The following KLHL41 variants were observed in gnomAD, a reference collection of about 807,000 sequenced individuals.
The protein encoded by KLHL41 is kelch like family member 41, also known as kelch-like protein 41.
Under a neutral mutation model 49.2 loss-of-function variants are expected in KLHL41, and 31 were observed. The ratio of observed to expected loss-of-function variants is 0.63; its 90% confidence interval spans 0.47 to 0.85. The LOEUF is 0.85. KLHL41 is among the 40% of genes least tolerant of loss of function. The pLI, the probability that KLHL41 is intolerant of heterozygous loss-of-function variation, is 0.00. For synonymous variants in KLHL41, 218 were observed against 258.5 expected (o/e 0.84, Z 1.50); for missense variants, 663 against 726.7 (o/e 0.91, Z 1.01).
In KLHL41 at chr2:169,514,826, A is replaced by G. The variant is rs553641817; in HGVS notation, c.1269-28A>G. ...TCAGAACCTGGAATTTACTGAAGGT[A>G]TATAAATTCTGTCTCGTTTAATTTT... On this transcript the variant is annotated intron_variant, in intron 2 of 5. Coordinates refer to ENST00000284669, the MANE Select transcript of KLHL41 (RefSeq NM_006063.3). 13 of 1,591,980 alleles carry G rather than the reference A, an allele frequency of 8.2e-6. No individual in the cohort carries two copies. In the East Asian group the frequency reaches 1.6e-4, roughly 19 times the overall value.
rs1684085913 is a variant in KLHL41 at position 169,514,646 on chromosome 2, G to T, written c.1183G>T (p.Glu395Ter). 1 of 1,613,846 alleles carries T rather than the reference G, an allele frequency of 6.2e-7. No individual in the cohort carries two copies. The highest frequency in any genetic ancestry group is 1.3e-5 in the African/African-American group (1 of 74,894). ...PSARCLFGLG[E>*]VDDKIYVVAG... ...AGCCAGGTGTCTCTTCGGTCTGGGAGAGGTGGATGATAAAATCTATGTAGT... is the reference window on the plus strand; with the variant it reads ...AGCCAGGTGTCTCTTCGGTCTGGGATAGGTGGATGATAAAATCTATGTAGT... The change falls in exon 2 of 6, where the codon GAG becomes TAG. Residue 395 changes from glutamate to a stop codon, truncating the protein, a stop_gained. Transcript: ENST00000284669. LOFTEE classifies it high-confidence loss of function.
rs1363972088 is a variant in KLHL41 at position 169,510,266 on chromosome 2, T to C, written c.488T>C (p.Val163Ala). Residue 163 changes from valine (V) to alanine (A), a missense_variant, in exon 1 of 6, where the codon GTA (valine) becomes GCA (alanine). Coordinates refer to ENST00000284669, the MANE Select transcript of KLHL41 (RefSeq NM_006063.3). The surrounding 1 kb of genome is among the most constrained non-coding windows in gnomAD (Gnocchi z 4.2). ...SAREFVSDRF[V>A]QICKEEDFMQ... Reference sequence around the variant, plus strand: ...CGTGAATTTGTGTCTGATCGCTTTGTACAGATTTGTAAGGAAGAGGACTTT... The same window carrying C: ...CGTGAATTTGTGTCTGATCGCTTTGCACAGATTTGTAAGGAAGAGGACTTT... 1.2e-6 allele frequency: 2 copies of C among 1,613,916 alleles called. No homozygotes were observed. The highest frequency in any genetic ancestry group is 1.7e-6 in the Non-Finnish European group (2 of 1,180,036).
intron 1 of KLHL41, among the ~76,000 whole-genome samples, chr2:169,513,273 C>T (rs1452919787): frequency 6.6e-6 from 1 of 152,144 alleles, no homozygotes; most frequent in Non-Finnish European, 1.5e-5. Context: ...CTTCCTGTGC[C>T]TCGGTTTCCT....
At chr2:169,512,145 C>T (rs1240411820) in intron 1 of KLHL41, among the ~76,000 whole-genome samples, 1 of 152,146 alleles carries the variant, frequency 6.6e-6, no homozygotes, top group East Asian at 1.9e-4. Context: ...CTTTAATCAA[C>T]TTTTTCTAAT....
chr2:169,514,713 T>G lies in KLHL41; in HGVS notation c.1250T>G (p.Val417Gly), dbSNP rs1365383038. 8 of 1,614,034 alleles carry G rather than the reference T, an allele frequency of 5.0e-6. No homozygotes were observed. The highest frequency in any genetic ancestry group is 6.8e-6 in the Non-Finnish European group (8 of 1,180,012). ...CAAACAGAGGCTTCGCTGGATTCAG[T>G]ATTATGCTATGATCCTGTGTAAGTT... is the stretch of plus-strand genomic sequence containing the variant. ...DLQTEASLDSVLCYDPVAAKW... is the reference protein window; with the variant it reads ...DLQTEASLDSGLCYDPVAAKW... The change falls in exon 2 of 6, where the codon GTA becomes GGA. Residue 417 changes from valine to glycine, a missense_variant. Physicochemically the swap from Val to Gly is moderately radical, Grantham distance 109. Around this residue, in one of 3 missense-constraint regions of KLHL41, gnomAD observed 528 missense variants for 581.0 expected, o/e 0.91. Coordinates refer to ENST00000284669, the MANE Select transcript of KLHL41 (RefSeq NM_006063.3).
chr2:169,519,107 T>A (rs1684161041), intron 4 of KLHL41, among the ~76,000 whole-genome samples: 2 of 152,216 alleles, frequency 1.3e-5, no homozygotes, highest in Admixed American at 1.3e-4. Flanking sequence ...TATGAATGCT[T>A]CCCAAGTTTT....
Position 169,525,777 on chromosome 2 carries a change from T to A in KLHL41, c.*81T>A, listed in dbSNP as rs964091629. The A allele has an allele frequency of 1.3e-6, 1 of 747,262 alleles. No homozygotes were observed. Among genetic ancestry groups the A allele is most frequent in the Non-Finnish European group, 2.3e-6 (1 of 439,538 alleles). The allele number at this position is 747,262 out of a possible 1,614,324, so 46.3% of individuals were successfully genotyped here. On this transcript the variant is annotated 3_prime_UTR_variant, in exon 6 of 6. Transcript: ENST00000284669. The stretch of plus-strand genomic sequence containing the variant: ...TAATTTATTCTGTTTTTTAAAAGCT[T>A]GTACAGACACTCATGTAGAAATTAT...
Position 169,510,468 on chromosome 2 carries a change from A to T in KLHL41, c.690A>T (p.Lys230Asn). 2.5e-6 allele frequency: 4 copies of T among 1,614,080 alleles called. No individual in the cohort carries two copies. The South Asian group carries it at 4.4e-5, about 18-fold the overall frequency. Residue 230 changes from lysine (K) to asparagine (N), a missense_variant, in exon 1 of 6, where the codon AAA becomes AAT. Lys to Asn is a moderately conservative substitution (Grantham distance 94). Coordinates refer to ENST00000284669, the MANE Select transcript of KLHL41 (RefSeq NM_006063.3). The surrounding 1 kb of genome is among the most constrained non-coding windows in gnomAD (Gnocchi z 4.2). Reference sequence around the variant, plus strand: ...TCCGTTTTCGCCTTATGACAGAAAAATATTTTAAGGATCATGTTGAGAAAG... The same window carrying T: ...TCCGTTTTCGCCTTATGACAGAAAATTATTTTAAGGATCATGTTGAGAAAG... Reference protein sequence around the residue: ...DCIRFRLMTEKYFKDHVEKDD... With the variant: ...DCIRFRLMTENYFKDHVEKDD...
At chr2:169,524,794 A>AT (rs149355188) in intron 5 of KLHL41, among the ~76,000 whole-genome samples, 12,952 of 151,654 alleles carry the variant, frequency 0.085, 723 homozygotes, top group Middle Eastern at 0.14. Context: ...GGACATTGAT[A>AT]TGGGGGGGGG....
chr2:169,524,697 T>C (rs1467831384), intron 5 of KLHL41, among the ~76,000 whole-genome samples: 1 of 151,974 alleles, frequency 6.6e-6, no homozygotes, highest in Non-Finnish European at 1.5e-5. Flanking sequence ...CACACCTGGC[T>C]GATTTGGGGT....
At position 169,525,845 on chromosome 2, in the gene KLHL41, C is replaced by G. The variant is rs1423628681; in HGVS notation, c.*149C>G. 2 of 499,642 alleles carry G rather than the reference C, an allele frequency of 4.0e-6. No homozygotes were observed. The highest frequency in any genetic ancestry group is 3.9e-5 in the African/African-American group (2 of 51,768). The allele number at this position is 499,642 out of a possible 1,614,324, so 31.0% of individuals were successfully genotyped here. ...AAGAGATGAGCAGTAGGTAAGAAAA[C>G]CTCAGTCATTGACTCTTCAATGTAA... On this transcript the variant is annotated 3_prime_UTR_variant, in exon 6 of 6. Coordinates refer to ENST00000284669, the MANE Select transcript of KLHL41 (RefSeq NM_006063.3).
intron 1 of KLHL41, among the ~76,000 whole-genome samples, chr2:169,512,288 G>T (rs6752958): frequency 0.93 from 141,320 of 152,178 alleles, 65,676 homozygotes; most frequent in East Asian, 1. Context: ...TCAAATAAAC[G>T]TCAAAAGTGG....
chr2:169,525,597 TA>T lies in KLHL41; in HGVS notation c.1728del (p.Glu577AsnfsTer6). 6.2e-7 allele frequency: 1 copy of T among 1,607,926 alleles called. No individual in the cohort carries two copies. The highest frequency in any genetic ancestry group is 8.5e-7 in the Non-Finnish European group (1 of 1,174,510). On this transcript the variant is annotated frameshift_variant, in exon 6 of 6. Transcript: ENST00000284669. LOFTEE classifies it high-confidence loss of function. ...VNDIWKYEDD[K>X]KEWAGMLKEI... ...TTTCCTCCATCAGGTATGAAGATGA[TA>T]AAAAAGAATGGGCTGGGATGTTGAA...
At chr2:169,516,905 C>G (rs1684121439) in intron 3 of KLHL41, among the ~76,000 whole-genome samples, 1 of 152,180 alleles carries the variant, frequency 6.6e-6, no homozygotes, top group South Asian at 2.1e-4. Flanking sequence ...CCTGTAATCC[C>G]AGCTACTAGG....
intron 3 of KLHL41, among the ~76,000 whole-genome samples, chr2:169,517,040 G>A (rs1359170636): frequency 6.6e-6 from 1 of 151,876 alleles, no homozygotes; most frequent in Admixed American, 6.6e-5. Flanking sequence ...ATAAAAGTAA[G>A]TGCTGAATTG....
At chr2:169,513,371 C>T (rs926975801) in intron 1 of KLHL41, among the ~76,000 whole-genome samples, 2 of 152,140 alleles carry the variant, frequency 1.3e-5, no homozygotes, top group African/African-American at 4.8e-5. Flanking sequence ...AAGACTATGA[C>T]AACAGTCAAA....
intron 3 of KLHL41, 74 bp downstream of exon 3, chr2:169,515,035 C>CTTTT: frequency 4.8e-5 from 31 of 641,210 alleles, no homozygotes; most frequent in South Asian, 1.2e-4. Context: ...CTTTTCTTTT[C>CTTTT]TTTTTTTTTT....
rs780361528 is a variant in KLHL41, at chr2:169,509,843, G to T, written c.65G>T (p.Gly22Val). ...RLYQSTLLQD[G>V]LKDLLDEKKF... is the part of the protein sequence containing the mutation. ...TACCAATCCACCCTTCTTCAGGATG[G>T]TCTAAAAGATCTCCTGGATGAGAAA... is the stretch of plus-strand genomic sequence containing the variant. Residue 22 changes from glycine (G) to valine (V), a missense_variant, in exon 1 of 6, where the codon GGT becomes GTT. By Grantham distance (109) the Gly-to-Val change is moderately radical. Around this residue, in one of 3 missense-constraint regions of KLHL41, gnomAD observed 129 missense variants for 122.1 expected, o/e 1.06. Transcript: ENST00000284669. 28 of 1,613,882 alleles carry T rather than the reference G, an allele frequency of 1.7e-5. No homozygotes were observed. Among genetic ancestry groups the T allele is most frequent in the Non-Finnish European group, 2.4e-5 (28 of 1,180,016 alleles).
chr2:169,518,292 T>G lies in KLHL41; in HGVS notation c.1479T>G (p.His493Gln), dbSNP rs201511051. The G allele has an allele frequency of 1.2e-6, 2 of 1,614,048 alleles. No homozygotes were observed. The highest frequency in any genetic ancestry group is 3.3e-5 in the Admixed American group (2 of 60,012). ...IPRSMFGVAV[H>Q]KGKIVIAGGV... ...GTTCCATGTTTGGAGTAGCAGTCCA[T>G]AAAGGCAAAATTGTGATTGCAGGAG... The change falls in exon 4 of 6, where the codon CAT becomes CAG. Residue 493 changes from histidine to glutamine, a missense_variant. By Grantham distance (24) the His-to-Gln change is conservative. This residue lies in a region of KLHL41 where 528 missense variants were observed against 581.0 expected (regional missense o/e 0.91). Transcript: ENST00000284669.
Sources: allele counts gnomAD v4.1 joint callset (sites outside exome capture counted in the v4.1 genomes callset), GRCh38; gene constraint gnomAD v4.1.1; regional missense constraint gnomAD v4.1.1; non-coding constraint Gnocchi (gnomAD v3.1); transcripts MANE v1.5; gene names NCBI Gene and HGNC (gene_info 2026-07-23, HGNC 2026-07-21).